Variants in DNAJC5 observed in about 807,000 individuals in gnomAD.
The protein encoded by DNAJC5 is dnaJ homolog subfamily C member 5.
DNAJC5 carries 1 observed loss-of-function variant against 23.2 expected under a neutral mutation model. The ratio of observed to expected loss-of-function variants is 0.04; its 90% confidence interval spans 0.02 to 0.20. The LOEUF is 0.20. DNAJC5 is among the 10% of genes least tolerant of loss of function. DNAJC5 has a pLI of 1.00. For synonymous variants in DNAJC5, 136 were observed against 120.0 expected, an observed-to-expected ratio of 1.13 and a Z score of -0.87; for missense variants, 180 against 267.0, an observed-to-expected ratio of 0.67 and a Z score of 2.27.
intron 1 of DNAJC5, among the ~76,000 whole-genome samples, chr20:63,896,279 T>A (rs984701618): frequency 6.6e-6 from 1 of 152,236 alleles, no homozygotes; most frequent in African/African-American, 2.4e-5. Flanking sequence ...CAGCTGAGTT[T>A]CAGGAATGAG....
chr20:63,928,109 C>T lies in DNAJC5; in HGVS notation c.-11-226C>T, dbSNP rs554011945. Among the ~76,000 whole-genome samples the T allele has an allele frequency of 4.3e-4, 66 of 152,214 alleles. No individual in the cohort carries two copies. Among genetic ancestry groups the T allele is most frequent in the Admixed American group, 1.2e-3 (19 of 15,288 alleles). On this transcript the variant is annotated intron_variant, in intron 1 of 4. Transcript: ENST00000360864. This position sits in a 1 kb window ranked among gnomAD's most constrained non-coding sequence, Gnocchi z 4.6. ...GGACTACAGGTGTGAGCCCCTGTGC[C>T]GGCCCACAGTACACAGCTGCAGTTC...
chr20:63,908,226 T>C (rs2053459733), intron 1 of DNAJC5, among the ~76,000 whole-genome samples: 1 of 152,208 alleles, frequency 6.6e-6, no homozygotes, highest in East Asian at 1.9e-4. Context: ...GCCCCACGCA[T>C]GGGAGGTGGT....
intron 1 of DNAJC5, chr20:63,908,834 C>G (rs1255128942): frequency 6.6e-6 from 1 of 152,310 alleles, no homozygotes; most frequent in African/African-American, 2.4e-5. Context: ...CGCAGTGGCT[C>G]AGGCCTGTAA....
intron 1 of DNAJC5, among the ~76,000 whole-genome samples, chr20:63,917,961 C>T (rs1009590385): frequency 3.0e-4 from 45 of 152,302 alleles, no homozygotes; most frequent in Admixed American, 6.5e-4. Context: ...TCGCCCACTC[C>T]TCCTGCCAGT....
intron 1 of DNAJC5, among the ~76,000 whole-genome samples, chr20:63,902,159 A>G (rs1312995286): frequency 6.6e-6 from 1 of 151,402 alleles, no homozygotes; most frequent in Non-Finnish European, 1.5e-5. Flanking sequence ...GGTTCACGCC[A>G]TTCCCCTGCC....
rs1158332337 is a variant in DNAJC5, at chr20:63,931,853, C to T, written c.*285C>T. 6 of 467,462 alleles carry T rather than the reference C, an allele frequency of 1.3e-5. No homozygotes were observed. The highest frequency in any genetic ancestry group is 9.9e-5 in the Admixed American group (3 of 30,448). The allele number at this position is 467,462 out of a possible 1,614,324, so 29.0% of individuals were successfully genotyped here. ...TGTTGTGGACATTCCGCGGCATGAC[C>T]GCGTGAACTGCACGGTGGAGCTGCC... On this transcript the variant is annotated 3_prime_UTR_variant, in exon 5 of 5. Coordinates refer to ENST00000360864, the MANE Select transcript of DNAJC5 (RefSeq NM_025219.3). The surrounding 1 kb of genome is among the most constrained non-coding windows in gnomAD (Gnocchi z 9.6).
rs187503339 is a variant in DNAJC5, at chr20:63,917,567, T to A, written c.-11-10768T>A. On this transcript the variant is annotated intron_variant, in intron 1 of 4. Transcript: ENST00000360864. ...TGCATCCAGCCTTATTATTATTATTTTTTTTTGAGATGGAGTCTTGCTCTG... is the reference window on the plus strand; with the variant it reads ...TGCATCCAGCCTTATTATTATTATTATTTTTTGAGATGGAGTCTTGCTCTG... 2.8e-3 allele frequency among the ~76,000 whole-genome samples: 418 copies of A among 151,594 alleles called. 1 individual carries two copies. The highest frequency in any genetic ancestry group is 5.8e-3 in the Admixed American group (89 of 15,220).
rs2053633035 is a variant in DNAJC5 at position 63,928,365 on chromosome 20, G to A, written c.20G>A (p.Arg7His). 6 of 1,613,880 alleles carry A rather than the reference G, an allele frequency of 3.7e-6. No individual in the cohort carries two copies. Among genetic ancestry groups the A allele is most frequent in the South Asian group, 1.1e-5 (1 of 91,072 alleles). Residue 7 changes from arginine to histidine, a missense_variant, in exon 2 of 5, where the codon CGC becomes CAC. Physicochemically the swap from Arg to His is conservative, Grantham distance 29. Coordinates refer to ENST00000360864, the MANE Select transcript of DNAJC5 (RefSeq NM_025219.3). This position sits in a 1 kb window ranked among gnomAD's most constrained non-coding sequence, Gnocchi z 4.6. MADQRQ[R>H]SLSTSGESLY... ...CCTAACATGGCAGACCAGAGACAGC[G>A]CTCACTGTCTACCTCTGGGGAGTCA... is the stretch of plus-strand genomic sequence containing the variant.
chr20:63,921,190 C>T (rs1216179101), intron 1 of DNAJC5, among the ~76,000 whole-genome samples: 1 of 152,090 alleles, frequency 6.6e-6, no homozygotes, highest in Admixed American at 6.5e-5. Context: ...AACTCCTGAC[C>T]TCAGGTGATC....
chr20:63,926,819 A>G (rs1460045368), intron 1 of DNAJC5, among the ~76,000 whole-genome samples: 5 of 152,186 alleles, frequency 3.3e-5, no homozygotes, highest in African/African-American at 1.2e-4. Context: ...TGCTCTTACC[A>G]AGAAACACCC....
intron 1 of DNAJC5, among the ~76,000 whole-genome samples, chr20:63,900,819 A>G (rs73151761): frequency 1.2e-3 from 183 of 152,352 alleles, no homozygotes; most frequent in Non-Finnish European, 2.0e-3. Flanking sequence ...TTCCTTGAAT[A>G]TGGATGTGAA....
At position 63,930,754 on chromosome 20, in the gene DNAJC5, C is replaced by G. The variant is rs977260471; in HGVS notation, c.322-97C>G. ...TGGAAGGCAGTATCCCCACCTGGAA[C>G]GCACCCCCTGCCTTCTGCTGAGGGC... On this transcript the variant is annotated intron_variant, in intron 3 of 4. Coordinates refer to ENST00000360864, the MANE Select transcript of DNAJC5 (RefSeq NM_025219.3). The G allele has an allele frequency of 6.3e-6, 10 of 1,583,524 alleles. No homozygotes were observed. In the African/African-American group the frequency reaches 1.2e-4, roughly 19 times the overall value.
At position 63,934,226 on chromosome 20, in the gene DNAJC5, T is replaced by G. The variant is rs572106837; in HGVS notation, c.*2658T>G. On this transcript the variant is annotated 3_prime_UTR_variant, in exon 5 of 5. Coordinates refer to ENST00000360864, the MANE Select transcript of DNAJC5 (RefSeq NM_025219.3). ...GGGTTTTATTTCTCTCTTTCTTGAG[T>G]GGACTGTTTCCCTATAATTAAAAGA... 1.3e-5 allele frequency: 2 copies of G among 152,376 alleles called. No individual in the cohort carries two copies. Among genetic ancestry groups the G allele is most frequent in the East Asian group, 3.9e-4 (2 of 5,188 alleles). 9.4% of individuals were successfully genotyped at this position (152,376 alleles called of 1,614,324 possible). A position where few individuals can be genotyped will look rare whatever the true frequency, so the allele number is the denominator to read the frequency against.
Position 63,928,579 on chromosome 20 carries a change from A to C in DNAJC5, c.107+127A>C, listed in dbSNP as rs956204552. On this transcript the variant is annotated intron_variant, in intron 2 of 4. Transcript: ENST00000360864. This position sits in a 1 kb window ranked among gnomAD's most constrained non-coding sequence, Gnocchi z 4.6. ...TGGCCGACTCAGCGTTGAACTGGTC[A>C]CAGCTCGGTAACACCTTTGTATGTG... 22 of 764,028 alleles carry C rather than the reference A, an allele frequency of 2.9e-5. No individual in the cohort carries two copies. In the African/African-American group the frequency reaches 3.4e-4, roughly 12 times the overall value. 47.3% of individuals were successfully genotyped at this position (764,028 alleles called of 1,614,324 possible).
intron 1 of DNAJC5, among the ~76,000 whole-genome samples, chr20:63,905,027 A>T (rs1326425891): frequency 6.9e-6 from 1 of 145,592 alleles, no homozygotes; most frequent in African/African-American, 2.6e-5. Context: ...CTGGTCTCGA[A>T]CTCCTGACAT....
At chr20:63,909,777 A>G (rs1426341633) in intron 1 of DNAJC5, among the ~76,000 whole-genome samples, 1 of 152,236 alleles carries the variant, frequency 6.6e-6, no homozygotes, top group Non-Finnish European at 1.5e-5. Context: ...GATAGGAAGT[A>G]TGTCCAGACT....
At chr20:63,902,909 C>A (rs2053423911) in intron 1 of DNAJC5, among the ~76,000 whole-genome samples, 1 of 144,380 alleles carries the variant, frequency 6.9e-6, no homozygotes, top group Non-Finnish European at 1.5e-5. Flanking sequence ...GATCTCCTGA[C>A]CTCGTGATCT....
chr20:63,931,304 G>T lies in DNAJC5; in HGVS notation c.494-161G>T. The T allele has an allele frequency of 1.2e-6, 1 of 827,090 alleles. No homozygotes were observed. Among genetic ancestry groups the T allele is most frequent in the Non-Finnish European group, 2.0e-6 (1 of 506,014 alleles). 51.2% of individuals were successfully genotyped at this position (827,090 alleles called of 1,614,324 possible). A position where few individuals can be genotyped will look rare whatever the true frequency, so the allele number is the denominator to read the frequency against. ...GGGCTGAGGGCCGAGGGCTGGCGGT[G>T]ACCCAAGGCGACGGAGGAAAGCCGT... On this transcript the variant is annotated intron_variant, in intron 4 of 4. Coordinates refer to ENST00000360864, the MANE Select transcript of DNAJC5 (RefSeq NM_025219.3). The surrounding 1 kb of genome is among the most constrained non-coding windows in gnomAD (Gnocchi z 9.6).
chr20:63,899,840 C>A (rs1277130489), intron 1 of DNAJC5, among the ~76,000 whole-genome samples: 1 of 150,362 alleles, frequency 6.7e-6, no homozygotes, highest in Non-Finnish European at 1.5e-5. Context: ...CTTGGCCTCC[C>A]AAAGTGCTGG....
Sources: allele counts gnomAD v4.1 joint callset (sites outside exome capture counted in the v4.1 genomes callset), GRCh38; gene constraint gnomAD v4.1.1; non-coding constraint Gnocchi (gnomAD v3.1); transcripts MANE v1.5; gene names NCBI Gene and HGNC (gene_info 2026-07-23, HGNC 2026-07-21).